RAB4B: variants seen among roughly 807,000 people sequenced by gnomAD.
RAB4B encodes the protein ras-related protein Rab-4B.
A neutral mutation model predicts 28.3 loss-of-function variants in RAB4B; 15 were observed. The ratio of observed to expected loss-of-function variants is 0.53; its 90% CI spans 0.35 to 0.82. RAB4B has a LOEUF of 0.82. Among genes scored for constraint, RAB4B ranks in the 40% least tolerant of loss-of-function variants. The pLI, the probability that RAB4B is intolerant of heterozygous loss-of-function variation, is 0.01. For missense variants in RAB4B, 244 were observed against 288.5 expected (o/e 0.85, Z 1.12); for synonymous variants, 108 against 116.3 (o/e 0.93, Z 0.46).
intron 7 of RAB4B, among the ~76,000 whole-genome samples, chr19:40,790,664 C>CTT (rs34206561): frequency 9.0e-5 from 10 of 111,490 alleles, no homozygotes; most frequent in South Asian, 5.9e-4. Context: ...TGAGCCTTTC[C>CTT]TTTTTTTTTT....
At chr19:40,778,951 G>C in intron 1 of RAB4B, 1 of 985,726 alleles carries the variant, frequency 1.0e-6, no homozygotes, top group African/African-American at 1.7e-5. Context: ...TGCACCATAG[G>C]AGGTGGTGAT....
intron 7 of RAB4B, among the ~76,000 whole-genome samples, chr19:40,792,834 G>A (rs529884435): frequency 1.3e-5 from 2 of 152,000 alleles, no homozygotes; most frequent in Non-Finnish European, 2.9e-5. Flanking sequence ...AGGCTGGAGT[G>A]CAGTGGTGCG....
intron 7 of RAB4B, among the ~76,000 whole-genome samples, chr19:40,791,425 C>T (rs1009569126): frequency 6.6e-6 from 1 of 152,146 alleles, no homozygotes; most frequent in Non-Finnish European, 1.5e-5. Flanking sequence ...GTGTTTGACC[C>T]TCTGCAGGGA....
rs915617427 is a variant in RAB4B at position 40,778,274 on chromosome 19, T to C, written c.-102T>C. 5.7e-5 allele frequency: 66 copies of C among 1,156,488 alleles called. No individual in the cohort carries two copies. Among genetic ancestry groups the C allele is most frequent in the Non-Finnish European group, 6.9e-5 (59 of 853,654 alleles). The allele number at this position is 1,156,488 out of a possible 1,614,324, so 71.6% of individuals were successfully genotyped here. On this transcript the variant is annotated 5_prime_UTR_variant, in exon 1 of 8. Transcript: ENST00000357052. The stretch of plus-strand genomic sequence containing the variant: ...AAGTGGCGGTGCCGGGCCCGGGGAG[T>C]AGGAAGGAGCCGGGGCTGTAGCCGG...
At chr19:40,793,565 C>CTTTTTTTTTT (rs1269603015) in intron 7 of RAB4B, among the ~76,000 whole-genome samples, 2 of 123,828 alleles carry the variant, frequency 1.6e-5, no homozygotes, top group Non-Finnish European at 3.4e-5. Flanking sequence ...CTTTTCTTTT[C>CTTTTTTTTTT]TTTTTTGTTT....
intron 7 of RAB4B, among the ~76,000 whole-genome samples, chr19:40,790,276 G>A (rs958235554): frequency 1.3e-5 from 2 of 152,132 alleles, no homozygotes; most frequent in African/African-American, 4.8e-5. Flanking sequence ...GGACAAGGGG[G>A]CGGGAAGAGG....
intron 4 of RAB4B, 40 bp from the exon 5 acceptor site, chr19:40,783,881 C>T (rs766709078): frequency 1.9e-6 from 3 of 1,580,426 alleles, no homozygotes; most frequent in Admixed American, 3.4e-5. Context: ...TGGGTGGTTC[C>T]TCTCCTGCAC....
chr19:40,786,174 G>A (rs1245011815), intron 5 of RAB4B: 2 of 210,338 alleles, frequency 9.5e-6, no homozygotes, highest in East Asian at 1.4e-4. Context: ...CATGGGATGG[G>A]GGAGCATGGG....
intron 3 of RAB4B, 118 bp downstream of exon 3, chr19:40,780,617 T>G: frequency 2.6e-6 from 2 of 769,452 alleles, no homozygotes; most frequent in South Asian, 1.7e-5. Flanking sequence ...CAGAGAGAGA[T>G]GAGACACCGT....
intron 7 of RAB4B, chr19:40,794,376 A>G (rs2083188728): frequency 1.3e-5 from 2 of 151,204 alleles, no homozygotes; most frequent in Non-Finnish European, 2.9e-5. Flanking sequence ...CGCCCGGCCT[A>G]TTTACAAAAT....
intron 1 of RAB4B, chr19:40,779,774 C>G (rs372291978): frequency 3.9e-5 from 38 of 967,610 alleles, no homozygotes; most frequent in Non-Finnish European, 5.0e-5. Flanking sequence ...CAAAAAAACC[C>G]CTGCACATGT....
At position 40,787,263 on chromosome 19, in the gene RAB4B, G is replaced by A. The variant is rs534863984; in HGVS notation, c.*15+285G>A. 8.6e-5 allele frequency among the ~76,000 whole-genome samples: 13 copies of A among 151,386 alleles called. No homozygotes were observed. The East Asian group carries it at 1.2e-3, about 14-fold the overall frequency. On this transcript the variant is annotated intron_variant, in intron 7 of 7. Transcript: ENST00000357052. ...GAAAGGTCAGGGCCAGGCCTGGCTC[G>A]GTGGCTTATGCCTGTAATCCCTGTA...
At chr19:40,780,625 C>G (rs567753591) in intron 3 of RAB4B, 126 bp downstream of exon 3, 1 of 729,160 alleles carries the variant, frequency 1.4e-6, no homozygotes, top group Non-Finnish European at 2.3e-6. Flanking sequence ...GATGAGACAC[C>G]GTAGTTAGCA....
Position 40,792,859 on chromosome 19 carries a change from C to T in RAB4B, c.*16-3711C>T, listed in dbSNP as rs144185127. On this transcript the variant is annotated intron_variant, in intron 7 of 7. Coordinates refer to ENST00000357052, the MANE Select transcript of RAB4B (RefSeq NM_016154.5). ...GCAGTGGTGCGATCTTGGCTCATTG[C>T]AAGCTCCACTTCCAGGGTTCAAGCA... 1.2e-4 allele frequency among the ~76,000 whole-genome samples: 18 copies of T among 152,114 alleles called. 1 individual carries two copies. Among genetic ancestry groups the T allele is most frequent in the South Asian group, 8.3e-4 (4 of 4,816 alleles).
At chr19:40,789,608 A>G (rs1011715153) in intron 7 of RAB4B, among the ~76,000 whole-genome samples, 4 of 151,500 alleles carry the variant, frequency 2.6e-5, no homozygotes, top group African/African-American at 7.3e-5. Flanking sequence ...GGTTCAAGCA[A>G]TTCTCCTGCC....
Position 40,782,489 on chromosome 19 carries a change from G to GAACAAACAAAACAAAAC in RAB4B, c.213-1287_213-1286insCAAACAAAACAAAACAA, listed in dbSNP as rs574075797. Among the ~76,000 whole-genome samples, 668 of 152,282 alleles carry GAACAAACAAAACAAAAC rather than the reference G, an allele frequency of 4.4e-3. 2 individuals carry two copies. The highest frequency in any genetic ancestry group is 0.014 in the African/African-American group (598 of 41,570). ...GTAAGCATGAGAGAGCCACAGAGAT[G>GAACAAACAAAACAAAAC]AAACAAACAAACAAAAAAGACAGAA... On this transcript the variant is annotated intron_variant, in intron 3 of 7. Transcript: ENST00000357052.
intron 5 of RAB4B, chr19:40,785,559 TTG>T (rs1299986939): frequency 3.3e-5 from 5 of 152,022 alleles, no homozygotes. Context: ...TTTGAAAACA[TTG>T]TGTTGGCCAA....
chr19:40,788,784 CTTTTTTTTTTTTT>C (rs1173685187), intron 7 of RAB4B, among the ~76,000 whole-genome samples: 3 of 84,232 alleles, frequency 3.6e-5, no homozygotes, highest in Admixed American at 2.6e-4. Flanking sequence ...GACAGGGTTT[CTTTTTTTTTTTTT>C]TTTTTTTTTT....
intron 4 of RAB4B, 32 bp from the exon 5 acceptor site, chr19:40,783,889 C>G: frequency 6.3e-7 from 1 of 1,588,280 alleles, no homozygotes. Context: ...TCCTCTCCTG[C>G]ACTGCCTCCC....
Sources: allele counts gnomAD v4.1 joint callset (sites outside exome capture counted in the v4.1 genomes callset), GRCh38; gene constraint gnomAD v4.1.1; transcripts MANE v1.5; gene names NCBI Gene and HGNC (gene_info 2026-07-23, HGNC 2026-07-21).